PBX1: variants seen among roughly 807,000 people sequenced by gnomAD.
The protein encoded by PBX1 is pre-B-cell leukemia transcription factor 1.
In PBX1, 6 loss-of-function variants were observed where a neutral mutation model predicts 53.4. The observed-to-expected ratio is 0.11, with a 90% CI of 0.06 to 0.22. PBX1 has a LOEUF of 0.22. Among genes scored for constraint, PBX1 ranks in the 10% least tolerant of loss-of-function variants. The pLI, the probability that PBX1 is intolerant of heterozygous loss-of-function variation, is 1.00. For missense variants in PBX1, 251 were observed against 551.4 expected (o/e 0.46, Z 5.46); for synonymous variants, 204 against 212.3 (o/e 0.96, Z 0.34).
intron 2 of PBX1, among the ~76,000 whole-genome samples, chr1:164,611,485 G>T (rs1046216020): frequency 6.6e-6 from 1 of 152,086 alleles, no homozygotes; most frequent in African/African-American, 2.4e-5. Flanking sequence ...TGATCCGCCC[G>T]CCTCGGCCTC....
At chr1:164,562,352 A>G (rs1037959382) in intron 1 of PBX1, among the ~76,000 whole-genome samples, 1 of 152,138 alleles carries the variant, frequency 6.6e-6, no homozygotes, top group Non-Finnish European at 1.5e-5. Flanking sequence ...AATAGCTGAT[A>G]TGATCAGTAT....
chr1:164,630,148 C>T (rs926727987), intron 2 of PBX1, among the ~76,000 whole-genome samples: 1 of 152,098 alleles, frequency 6.6e-6, no homozygotes, highest in African/African-American at 2.4e-5. Flanking sequence ...TGGGACAGTA[C>T]GTGGCTGACG....
intron 2 of PBX1, among the ~76,000 whole-genome samples, chr1:164,612,332 C>T (rs1328725304): frequency 1.3e-5 from 2 of 152,100 alleles, no homozygotes; most frequent in Non-Finnish European, 2.9e-5. Context: ...AAATGCGTCG[C>T]CATTGAGCAG....
chr1:164,730,486 G>C (rs1664917586), intron 2 of PBX1, among the ~76,000 whole-genome samples: 1 of 152,164 alleles, frequency 6.6e-6, no homozygotes, highest in African/African-American at 2.4e-5. Flanking sequence ...AGTTAGTTGT[G>C]TAAGATTTTG....
At chr1:164,613,290 G>A (rs950018370) in intron 2 of PBX1, among the ~76,000 whole-genome samples, 2 of 152,078 alleles carry the variant, frequency 1.3e-5, no homozygotes, top group East Asian at 3.9e-4. Flanking sequence ...GTATGCATAC[G>A]GAAAACCTTT....
At chr1:164,629,286 G>T (rs1234436258) in intron 2 of PBX1, among the ~76,000 whole-genome samples, 1 of 152,190 alleles carries the variant, frequency 6.6e-6, no homozygotes, top group Non-Finnish European at 1.5e-5. Flanking sequence ...TTTGTGAGTG[G>T]TTGGATGCAT....
chr1:164,702,634 G>A (rs1241453356), intron 2 of PBX1, among the ~76,000 whole-genome samples: 1 of 152,018 alleles, frequency 6.6e-6, no homozygotes, highest in Non-Finnish European at 1.5e-5. Context: ...CAGGTAGAGT[G>A]AATGCAGTGC....
intron 2 of PBX1, among the ~76,000 whole-genome samples, chr1:164,577,868 T>G (rs1448774008): frequency 6.6e-6 from 1 of 152,182 alleles, no homozygotes; most frequent in Non-Finnish European, 1.5e-5. Flanking sequence ...TCCTAGTAAC[T>G]CTGGGGGAGA....
chr1:164,780,117 T>G (rs1052670930), intron 2 of PBX1, among the ~76,000 whole-genome samples: 3 of 151,678 alleles, frequency 2.0e-5, no homozygotes, highest in Non-Finnish European at 4.4e-5. Context: ...GATGTGAGAG[T>G]TCTTAGTGGG....
intron 2 of PBX1, among the ~76,000 whole-genome samples, chr1:164,582,037 G>T (rs1159120653): frequency 6.6e-6 from 1 of 152,096 alleles, no homozygotes. Flanking sequence ...CAAAAGATGT[G>T]AGAGATACCA....
At chr1:164,730,462 G>A (rs989105406) in intron 2 of PBX1, among the ~76,000 whole-genome samples, 5 of 152,078 alleles carry the variant, frequency 3.3e-5, no homozygotes, top group African/African-American at 9.7e-5. Flanking sequence ...TCTCATCCTC[G>A]GCCTTATGAC....
At chr1:164,686,968 C>T (rs777482435) in intron 2 of PBX1, among the ~76,000 whole-genome samples, 256 of 146,228 alleles carry the variant, frequency 1.8e-3, no homozygotes, top group Non-Finnish European at 3.3e-3. Context: ...AAAAAAAAAC[C>T]AAAAAAACGA....
intron 2 of PBX1, among the ~76,000 whole-genome samples, chr1:164,882,316 G>C (rs1672678548): frequency 6.6e-6 from 1 of 152,130 alleles, no homozygotes; most frequent in African/African-American, 2.4e-5. Context: ...GTCCATGGGA[G>C]AGCCTGGGAA....
chr1:164,787,847 G>T (rs894113656), intron 2 of PBX1: 2 of 152,202 alleles, frequency 1.3e-5, no homozygotes, highest in African/African-American at 4.8e-5. Flanking sequence ...TAATTGGGTG[G>T]ATTTGTGGGA....
chr1:164,639,732 G>A (rs1659003331), intron 2 of PBX1: 1 of 152,112 alleles, frequency 6.6e-6, no homozygotes, highest in Non-Finnish European at 1.5e-5. Context: ...GCATGACCAT[G>A]GCTCTCTGCA....
intron 2 of PBX1, among the ~76,000 whole-genome samples, chr1:164,618,212 C>T (rs901262178): frequency 1.3e-5 from 2 of 150,654 alleles, no homozygotes; most frequent in African/African-American, 4.9e-5. Flanking sequence ...CTCCCCACCA[C>T]CAAAATTAAG....
intron 8 of PBX1, among the ~76,000 whole-genome samples, chr1:164,830,777 C>T (rs911185883): frequency 2.0e-5 from 3 of 152,182 alleles, no homozygotes. Flanking sequence ...GTTTCTTCCT[C>T]CCTGCCCTGC....
At chr1:164,600,246 C>CTTTTTTTTT (rs71097539) in intron 2 of PBX1, among the ~76,000 whole-genome samples, 1 of 121,818 alleles carries the variant, frequency 8.2e-6, no homozygotes, top group Non-Finnish European at 1.7e-5. Flanking sequence ...TATGCTGCTG[C>CTTTTTTTTT]TTTTTTTTTT....
At chr1:164,683,749 TC>T (rs968504145) in intron 2 of PBX1, 9 of 58,178 alleles carry the variant, frequency 1.5e-4, no homozygotes, top group African/African-American at 3.7e-4. Flanking sequence ...TTGTGTGAAG[TC>T]TTTTTTTTTT....
Sources: allele counts gnomAD v4.1 joint callset (sites outside exome capture counted in the v4.1 genomes callset), GRCh38; gene constraint gnomAD v4.1.1; transcripts MANE v1.5; gene names NCBI Gene and HGNC (gene_info 2026-07-23, HGNC 2026-07-21).